SORBS2: variants seen among roughly 807,000 people sequenced by gnomAD.
The protein encoded by SORBS2 is sorbin and SH3 domain-containing protein 2.
Under a neutral mutation model 97.7 loss-of-function variants are expected in SORBS2, and 46 were observed. That is an observed-to-expected ratio of 0.47 (90% CI 0.37 to 0.60). The LOEUF is 0.60. Among genes scored for constraint, SORBS2 ranks in the 20% least tolerant of loss-of-function variants. The probability of loss-of-function intolerance (pLI) is 0.00; values close to 1 mark genes in which losing one functional copy is unlikely to be tolerated. For synonymous variants in SORBS2, 476 were observed against 473.4 expected, an observed-to-expected ratio of 1.01 and a Z score of -0.07; for missense variants, 1,316 against 1,282.3, an observed-to-expected ratio of 1.03 and a Z score of -0.40.
intron 1 of SORBS2, among the ~76,000 whole-genome samples, chr4:185,836,951 G>A (rs899635206): frequency 3.3e-5 from 5 of 152,114 alleles, no homozygotes; most frequent in Admixed American, 1.3e-4. Flanking sequence ...AAGCTGCCTC[G>A]AATTCTAAAG....
intron 3 of SORBS2, among the ~76,000 whole-genome samples, chr4:185,649,208 T>C (rs1311235381): frequency 6.6e-6 from 1 of 152,226 alleles, no homozygotes; most frequent in Non-Finnish European, 1.5e-5. Context: ...GTCTCTTATA[T>C]GTATGTATTG....
chr4:185,857,779 C>A (rs1204044737), intron 1 of SORBS2, among the ~76,000 whole-genome samples: 1 of 152,162 alleles, frequency 6.6e-6, no homozygotes, highest in East Asian at 1.9e-4. Flanking sequence ...CCCTGGTCTC[C>A]TGCAGTGCCC....
Position 185,612,075 on chromosome 4 carries a change from T to C in SORBS2, c.2596-95A>G, listed in dbSNP as rs903329668. ...TTTCTATGAAAAAATAGGTTTCCAT[T>C]TGGGCAGGTTTTATACCTTCAGTTT... On this transcript the variant is annotated intron_variant, in intron 11 of 14. Transcript: ENST00000418609. 7 of 973,852 alleles carry C rather than the reference T, an allele frequency of 7.2e-6. No individual in the cohort carries two copies. The African/African-American group carries it at 8.2e-5, about 11-fold the overall frequency. 60.3% of individuals were successfully genotyped at this position (973,852 alleles called of 1,614,324 possible). A position where few individuals can be genotyped will look rare whatever the true frequency, so the allele number is the denominator to read the frequency against.
In SORBS2 at chr4:185,649,701, C is replaced by A. The variant is rs7663827; in HGVS notation, c.92-45G>T. On this transcript the variant is annotated intron_variant, in intron 2 of 14. Transcript: ENST00000418609. ...AAGCAGACAAAAAACAGAAGCAAAT[C>A]ACCTCTTAAAAATGAATTAAATTAT... 572,262 of 1,223,814 alleles carry A rather than the reference C, an allele frequency of 0.47. 135,699 individuals are homozygous for A. Among genetic ancestry groups the A allele is most frequent in the South Asian group, 0.51 (17,458 of 34,226 alleles). 75.8% of individuals were successfully genotyped at this position (1,223,814 alleles called of 1,614,324 possible).
At chr4:185,894,610 G>A (rs1200556888) in intron 1 of SORBS2, among the ~76,000 whole-genome samples, 2 of 152,118 alleles carry the variant, frequency 1.3e-5, no homozygotes, top group Admixed American at 6.5e-5. Context: ...TACCTCGCAA[G>A]GCACCAGTGC....
chr4:185,697,156 C>G (rs1269529692), intron 2 of SORBS2, among the ~76,000 whole-genome samples: 2 of 152,216 alleles, frequency 1.3e-5, no homozygotes, highest in African/African-American at 2.4e-5. Flanking sequence ...CCCCGCTAGA[C>G]AGCAAAGCAT....
At chr4:185,768,712 C>CAAA (rs72088117) in intron 2 of SORBS2, among the ~76,000 whole-genome samples, 23,827 of 116,396 alleles carry the variant, frequency 0.2, 2,377 homozygotes, top group Middle Eastern at 0.27. Context: ...AAAAAAAAAA[C>CAAA]AAAAAAACAA....
intron 2 of SORBS2, among the ~76,000 whole-genome samples, chr4:185,745,847 C>T (rs1337521077): frequency 2.6e-5 from 4 of 152,284 alleles, no homozygotes; most frequent in Admixed American, 6.5e-5. Flanking sequence ...CTGCTCTTGG[C>T]CATGACTGTT....
At chr4:185,671,159 A>T (rs867501929) in intron 4 of SORBS2, among the ~76,000 whole-genome samples, 2 of 152,168 alleles carry the variant, frequency 1.3e-5, no homozygotes, top group Non-Finnish European at 2.9e-5. Context: ...CATAATAAAA[A>T]TTATTTTAAC....
chr4:185,936,203 T>C (rs1046720908), intron 1 of SORBS2, among the ~76,000 whole-genome samples: 4 of 152,212 alleles, frequency 2.6e-5, no homozygotes, highest in African/African-American at 9.7e-5. Flanking sequence ...TCAAACTTAG[T>C]CCCATATTTA....
intron 4 of SORBS2, among the ~76,000 whole-genome samples, chr4:185,645,184 TC>T (rs1253293518): frequency 1.3e-5 from 2 of 152,212 alleles, no homozygotes; most frequent in Non-Finnish European, 2.9e-5. Flanking sequence ...ATGTTCGTTA[TC>T]CTAAGAGTCT....
intron 1 of SORBS2, among the ~76,000 whole-genome samples, chr4:185,829,420 T>C (rs1480499203): frequency 6.6e-6 from 1 of 152,230 alleles, no homozygotes; most frequent in Non-Finnish European, 1.5e-5. Context: ...TAATCTTTTT[T>C]CAGGATTTTT....
At chr4:185,759,827 A>C (rs914290029) in intron 2 of SORBS2, among the ~76,000 whole-genome samples, 21 of 152,218 alleles carry the variant, frequency 1.4e-4, no homozygotes, top group Admixed American at 1.3e-3. Flanking sequence ...TCATGGTCTT[A>C]TGTTACTAAT....
chr4:185,880,843 C>T (rs761738773), intron 1 of SORBS2, among the ~76,000 whole-genome samples: 2 of 152,084 alleles, frequency 1.3e-5, no homozygotes, highest in African/African-American at 4.8e-5. Flanking sequence ...TGATTTTCCT[C>T]ATTTGTGATA....
At position 185,868,147 on chromosome 4, in the gene SORBS2, C is replaced by CTTTTTTCTT. The variant is rs1554043746; in HGVS notation, c.-338+88048_-338+88049insAAGAAAAAA. Among the ~76,000 whole-genome samples the CTTTTTTCTT allele has an allele frequency of 3.0e-3, 265 of 89,710 alleles. 3 individuals are homozygous for CTTTTTTCTT. Among genetic ancestry groups the CTTTTTTCTT allele is most frequent in the Non-Finnish European group, 4.3e-3 (196 of 45,568 alleles). 58.9% of individuals were successfully genotyped at this position (89,710 alleles called of 152,430 possible). A position where few individuals can be genotyped will look rare whatever the true frequency, so the allele number is the denominator to read the frequency against. The stretch of plus-strand genomic sequence containing the variant: ...TCTACTTTCCTTTCTCTTTTCTTTT[C>CTTTTTTCTT]TTTTTTTCTTTCTTTTTTTTTTTTT... On this transcript the variant is annotated intron_variant, in intron 1 of 20. Transcript: ENST00000284776.
chr4:185,763,112 C>A (rs2098911938), intron 2 of SORBS2, among the ~76,000 whole-genome samples: 1 of 152,116 alleles, frequency 6.6e-6, no homozygotes, highest in Non-Finnish European at 1.5e-5. Context: ...TCACTTGAAC[C>A]CGGGAGGCGG....
intron 2 of SORBS2, among the ~76,000 whole-genome samples, chr4:185,706,437 G>T (rs2098342404): frequency 1.3e-5 from 2 of 152,176 alleles, no homozygotes. Flanking sequence ...AATGGAGAAT[G>T]ATTATTGTTA....
chr4:185,731,494 CTCTCTCCCTCCCTCCCTGCCTA>C (rs2098626862), intron 2 of SORBS2, among the ~76,000 whole-genome samples: 1 of 115,406 alleles, frequency 8.7e-6, no homozygotes, highest in African/African-American at 3.3e-5. Flanking sequence ...CCCTGCCTGT[CTCTCTCCCTCCCTCCCTGCCTA>C]TCTCTCTCCC....
chr4:185,722,692 C>A (rs2098525249), intron 2 of SORBS2, among the ~76,000 whole-genome samples: 1 of 152,178 alleles, frequency 6.6e-6, no homozygotes, highest in Non-Finnish European at 1.5e-5. Flanking sequence ...CACACCCATA[C>A]TCTGGCTAAG....
Sources: gnomAD v4.1 joint callset for allele counts (sites outside exome capture counted in the v4.1 genomes callset) on GRCh38, gnomAD v4.1.1 for gene constraint, MANE v1.5 for transcripts, NCBI Gene and HGNC (gene_info 2026-07-23, HGNC 2026-07-21) for gene names.